The following GRID2 variants were observed in gnomAD, a reference collection of about 807,000 sequenced individuals.
The protein encoded by GRID2 is glutamate ionotropic receptor delta type subunit 2.
Under a neutral mutation model 114.8 loss-of-function variants are expected in GRID2, and 33 were observed. The observed-to-expected ratio is 0.29, with a 90% CI of 0.22 to 0.38. The LOEUF (loss-of-function observed/expected upper bound fraction) is 0.38. Ranked by LOEUF, GRID2 falls within the 10% of genes least tolerant of loss-of-function variation. GRID2 has a pLI of 1.00. For missense variants in GRID2, 1,184 were observed against 1,257.7 expected, an observed-to-expected ratio of 0.94 and a Z score of 0.89; for synonymous variants, 505 against 449.9, an observed-to-expected ratio of 1.12 and a Z score of -1.55.
At chr4:93,745,487 G>A (rs1731766014) in intron 14 of GRID2, among the ~76,000 whole-genome samples, 1 of 152,096 alleles carries the variant, frequency 6.6e-6, no homozygotes, top group Non-Finnish European at 1.5e-5. Context: ...TATGTCAGTG[G>A]GGATGAGGAA....
chr4:93,134,191 A>C (rs1485403372), intron 4 of GRID2, among the ~76,000 whole-genome samples: 1 of 152,248 alleles, frequency 6.6e-6, no homozygotes, highest in East Asian at 1.9e-4. Context: ...AGGTTCTCCA[A>C]AAACCTTCTG....
chr4:92,555,289 T>C (rs1299060967), intron 1 of GRID2, among the ~76,000 whole-genome samples: 1 of 152,138 alleles, frequency 6.6e-6, no homozygotes, highest in African/African-American at 2.4e-5. Context: ...ACTAAATGTA[T>C]GTAGGGTTAT....
intron 2 of GRID2, among the ~76,000 whole-genome samples, chr4:92,796,631 A>C (rs945188998): frequency 1.9e-4 from 29 of 151,916 alleles, no homozygotes; most frequent in Middle Eastern, 3.2e-3. Context: ...TTTTGTCTGC[A>C]TTAAAAATAT....
chr4:93,770,734 C>T (rs1734042610), intron 15 of GRID2, among the ~76,000 whole-genome samples: 1 of 152,150 alleles, frequency 6.6e-6, no homozygotes, highest in South Asian at 2.1e-4. Flanking sequence ...ATAGCTGAGA[C>T]TCATATTTTT....
intron 2 of GRID2, among the ~76,000 whole-genome samples, chr4:93,008,181 A>G (rs1391557326): frequency 3.9e-5 from 6 of 152,182 alleles, no homozygotes; most frequent in African/African-American, 1.2e-4. Context: ...CAAAGAGCTG[A>G]TGGTACTCTC....
intron 4 of GRID2, among the ~76,000 whole-genome samples, chr4:93,143,184 A>C (rs1735917713): frequency 6.6e-6 from 1 of 152,386 alleles, no homozygotes; most frequent in Non-Finnish European, 1.5e-5. Flanking sequence ...AGATTGCATT[A>C]GAAAAAAATG....
At chr4:92,455,915 A>G (rs764988847) in intron 1 of GRID2, among the ~76,000 whole-genome samples, 3 of 152,146 alleles carry the variant, frequency 2.0e-5, no homozygotes, top group Non-Finnish European at 4.4e-5. Flanking sequence ...CAAAAGACAA[A>G]CTGCTGCCAC....
intron 2 of GRID2, among the ~76,000 whole-genome samples, chr4:92,798,098 T>C (rs968060495): frequency 6.6e-5 from 10 of 152,132 alleles, no homozygotes; most frequent in Admixed American, 6.6e-4. Flanking sequence ...TTAAGTATCA[T>C]TGTTTTTAAT....
chr4:93,017,646 A>T lies in GRID2; in HGVS notation c.245-67349A>T, dbSNP rs925217522. Reference sequence around the variant, plus strand: ...CACAATGAAGCCCTGTGTCTACTAGAAATACAAAAATTAACCAGGCATGGT... The same window carrying T: ...CACAATGAAGCCCTGTGTCTACTAGTAATACAAAAATTAACCAGGCATGGT... On this transcript the variant is annotated intron_variant, in intron 2 of 15. Transcript: ENST00000282020. Among the ~76,000 whole-genome samples, 38 of 151,838 alleles carry T rather than the reference A, an allele frequency of 2.5e-4. 1 individual carries two copies. Among genetic ancestry groups the T allele is most frequent in the African/African-American group, 9.2e-4 (38 of 41,454 alleles).
chr4:93,450,505 A>G (rs905190953), intron 10 of GRID2, among the ~76,000 whole-genome samples: 3 of 151,832 alleles, frequency 2.0e-5, no homozygotes, highest in Admixed American at 2.0e-4. Context: ...TCAAGAATAA[A>G]TTAGATCTTT....
intron 2 of GRID2, among the ~76,000 whole-genome samples, chr4:92,939,747 G>A (rs1383752261): frequency 6.8e-6 from 1 of 147,314 alleles, no homozygotes; most frequent in African/African-American, 2.4e-5. Flanking sequence ...TTGGTATAAG[G>A]TGTAAGGAAG....
chr4:92,658,818 T>TATATAC (rs1177514487), intron 2 of GRID2, among the ~76,000 whole-genome samples: 225 of 60,442 alleles, frequency 3.7e-3, no homozygotes, highest in African/African-American at 0.01. Context: ...TATATATATA[T>TATATAC]ACACACACAC....
chr4:92,710,154 T>C (rs1157844112), intron 2 of GRID2, among the ~76,000 whole-genome samples: 1 of 152,202 alleles, frequency 6.6e-6, no homozygotes, highest in Non-Finnish European at 1.5e-5. Flanking sequence ...CTTTTCTTGA[T>C]GCCATACCAA....
At chr4:93,412,032 C>A (rs918959513) in intron 9 of GRID2, among the ~76,000 whole-genome samples, 3 of 151,656 alleles carry the variant, frequency 2.0e-5, no homozygotes, top group Admixed American at 6.6e-5. Flanking sequence ...TATAGTCCAA[C>A]TCTGTGTAGA....
At position 92,438,855 on chromosome 4, in the gene GRID2, C is replaced by T. The variant is rs115604712; in HGVS notation, c.88+134111C>T. Among the ~76,000 whole-genome samples the T allele has an allele frequency of 3.2e-3, 487 of 152,278 alleles. 4 individuals are homozygous for T. The highest frequency in any genetic ancestry group is 0.011 in the African/African-American group (450 of 41,550). On this transcript the variant is annotated intron_variant, in intron 1 of 15. Coordinates refer to ENST00000282020, the MANE Select transcript of GRID2 (RefSeq NM_001510.4). ...CTGTGCATCTATTCATGTAATATCC[C>T]ATGAAACAATATCAACATTTGGTTT...
At chr4:92,373,873 G>T (rs957815952) in intron 1 of GRID2, among the ~76,000 whole-genome samples, 2 of 152,054 alleles carry the variant, frequency 1.3e-5, no homozygotes, top group Non-Finnish European at 2.9e-5. Context: ...GAAGGAATAG[G>T]GAAATTAGGT....
intron 6 of GRID2, among the ~76,000 whole-genome samples, chr4:93,222,325 A>G (rs1744978562): frequency 6.6e-6 from 1 of 152,066 alleles, no homozygotes; most frequent in African/African-American, 2.4e-5. Context: ...AGGATAAGGA[A>G]AGAAAATCAG....
chr4:92,727,999 G>A (rs1280604830), intron 2 of GRID2, among the ~76,000 whole-genome samples: 1 of 152,062 alleles, frequency 6.6e-6, no homozygotes, highest in African/African-American at 2.4e-5. Flanking sequence ...TTTAGAACAT[G>A]TTCAAGAAAT....
chr4:93,794,888 A>G (rs1318114698), intron 1 of GRID2, among the ~76,000 whole-genome samples: 1 of 152,214 alleles, frequency 6.6e-6, no homozygotes, highest in African/African-American at 2.4e-5. Flanking sequence ...TGTGAGAGGC[A>G]GATGAGAAGA....
Sources: allele counts gnomAD v4.1 joint callset (sites outside exome capture counted in the v4.1 genomes callset), GRCh38; gene constraint gnomAD v4.1.1; transcripts MANE v1.5; gene names NCBI Gene and HGNC (gene_info 2026-07-23, HGNC 2026-07-21).